The following CSMD1 variants were observed in gnomAD, a reference collection of about 807,000 sequenced individuals.
CSMD1 encodes the protein CUB and sushi domain-containing protein 1.
In CSMD1, 213 loss-of-function variants were observed where a neutral mutation model predicts 417.5. The observed-to-expected ratio is 0.51, with a 90% CI of 0.46 to 0.57. The LOEUF (loss-of-function observed/expected upper bound fraction) is 0.57. Among genes scored for constraint, CSMD1 ranks in the 20% least tolerant of loss-of-function variants. The pLI is 0.00. For missense variants in CSMD1, 6,923 were observed against 4,529.7 expected (o/e 1.53, Z -15.17); for synonymous variants, 2,862 against 1,736.8 (o/e 1.65, Z -16.11).
intron 11 of CSMD1, among the ~76,000 whole-genome samples, chr8:3,481,181 C>CAAAAA (rs1554437748): frequency 9.4e-6 from 1 of 106,670 alleles, no homozygotes. Context: ...AAAAAAAAAC[C>CAAAAA]AGAGTAGTTG....
intron 3 of CSMD1, among the ~76,000 whole-genome samples, chr8:4,112,557 C>G (rs149866000): frequency 7.9e-5 from 12 of 152,276 alleles, no homozygotes; most frequent in East Asian, 1.9e-4. Flanking sequence ...CCTGCTTTCT[C>G]TGTTCCCTCT....
chr8:4,701,386 G>A, intron 1 of CSMD1, among the ~76,000 whole-genome samples: 1 of 151,026 alleles, frequency 6.6e-6, no homozygotes, highest in East Asian at 2.0e-4. Flanking sequence ...ACCTAACAGA[G>A]CACCCAGGAT....
intron 7 of CSMD1, among the ~76,000 whole-genome samples, chr8:3,680,266 T>A (rs2117600873): frequency 6.6e-6 from 1 of 152,068 alleles, no homozygotes; most frequent in South Asian, 2.1e-4. Context: ...TTTGAAAAGA[T>A]CAACAAAATT....
chr8:3,957,044 A>G (rs1811997721), intron 5 of CSMD1, among the ~76,000 whole-genome samples: 3 of 152,188 alleles, frequency 2.0e-5, no homozygotes, highest in Admixed American at 2.0e-4. Context: ...CTCAGAAGGA[A>G]GAAATAACGT....
chr8:4,835,932 G>A (rs1354062296), intron 1 of CSMD1, among the ~76,000 whole-genome samples: 1 of 152,076 alleles, frequency 6.6e-6, no homozygotes, highest in East Asian at 1.9e-4. Context: ...TAAGTACAAA[G>A]GAGGGAAATT....
intron 5 of CSMD1, among the ~76,000 whole-genome samples, chr8:3,793,641 T>A (rs752786969): frequency 2.0e-5 from 3 of 152,052 alleles, no homozygotes; most frequent in Non-Finnish European, 2.9e-5. Context: ...CTCACCTCAA[T>A]TGCTTGGATG....
chr8:4,012,165 C>A (rs1344317136), intron 4 of CSMD1, among the ~76,000 whole-genome samples: 1 of 152,084 alleles, frequency 6.6e-6, no homozygotes, highest in Admixed American at 6.5e-5. Flanking sequence ...AAACTGGATG[C>A]AGAACCCACC....
chr8:3,054,609 C>T (rs1387734786), intron 49 of CSMD1, among the ~76,000 whole-genome samples: 1 of 141,188 alleles, frequency 7.1e-6, no homozygotes. Flanking sequence ...TAGAGCAAGG[C>T]CCTGTCTCAA....
At chr8:3,533,424 C>G (rs117850271) in intron 10 of CSMD1, among the ~76,000 whole-genome samples, 1 of 152,184 alleles carries the variant, frequency 6.6e-6, no homozygotes, top group African/African-American at 2.4e-5. Flanking sequence ...TGGTTTGACT[C>G]TGTCAGCGTC....
chr8:3,752,701 A>AC (rs1307962542), intron 6 of CSMD1, among the ~76,000 whole-genome samples: 2 of 151,224 alleles, frequency 1.3e-5, no homozygotes, highest in Non-Finnish European at 2.9e-5. Context: ...AAAAAAAAAA[A>AC]AAACATATTT....
intron 26 of CSMD1, among the ~76,000 whole-genome samples, chr8:3,277,669 A>G (rs894703260): frequency 1.3e-5 from 2 of 152,142 alleles, no homozygotes; most frequent in Non-Finnish European, 2.9e-5. Context: ...ACTGTGGTTG[A>G]GTTTCAGGTG....
intron 6 of CSMD1, among the ~76,000 whole-genome samples, chr8:3,709,845 G>C (rs956514313): frequency 2.9e-5 from 4 of 136,836 alleles, no homozygotes; most frequent in East Asian, 2.4e-4. Context: ...AAATCTGTGT[G>C]TGTACGTGTG....
Position 3,797,896 on chromosome 8 carries a change from A to G in CSMD1, c.819-43854T>C, listed in dbSNP as rs562365164. On this transcript the variant is annotated intron_variant, in intron 5 of 69. Transcript: ENST00000635120. The stretch of plus-strand genomic sequence containing the variant: ...ACAGTAAGTGAGCATGCAAGTTGTT[A>G]CGCATCCCTGTCAACATTTGATATT... 2.4e-4 allele frequency among the ~76,000 whole-genome samples: 36 copies of G among 152,150 alleles called. No individual in the cohort carries two copies. In the East Asian group the frequency reaches 6.2e-3, roughly 26 times the overall value.
chr8:4,011,634 T>A (rs1329661178), intron 4 of CSMD1, among the ~76,000 whole-genome samples: 1 of 152,188 alleles, frequency 6.6e-6, no homozygotes, highest in East Asian at 1.9e-4. Flanking sequence ...CATTTCCTCA[T>A]CCTTGAATTC....
intron 6 of CSMD1, among the ~76,000 whole-genome samples, chr8:3,720,664 T>C (rs909181039): frequency 1.9e-5 from 2 of 107,688 alleles, no homozygotes; most frequent in East Asian, 5.8e-4. Flanking sequence ...CACCAGCACA[T>C]TTCTCCTTCA....
intron 3 of CSMD1, among the ~76,000 whole-genome samples, chr8:4,082,549 C>T (rs1409208045): frequency 6.6e-6 from 1 of 152,034 alleles, no homozygotes; most frequent in Non-Finnish European, 1.5e-5. Flanking sequence ...CAAAAACAAA[C>T]AAAATTACAG....
chr8:3,318,189 A>G (rs1584990917), intron 23 of CSMD1, among the ~76,000 whole-genome samples: 1 of 152,172 alleles, frequency 6.6e-6, no homozygotes, highest in South Asian at 2.1e-4. Context: ...GTAATATTCT[A>G]TTTTTATTTA....
chr8:4,233,722 G>C (rs941971792), intron 3 of CSMD1, among the ~76,000 whole-genome samples: 2 of 152,090 alleles, frequency 1.3e-5, no homozygotes, highest in African/African-American at 2.4e-5. Flanking sequence ...AACAGACTAA[G>C]ATATTAATAA....
chr8:4,354,614 A>C (rs17063252), intron 3 of CSMD1, among the ~76,000 whole-genome samples: 1 of 152,088 alleles, frequency 6.6e-6, no homozygotes, highest in Non-Finnish European at 1.5e-5. Context: ...CCTTGAACGT[A>C]TAAGAACGTG....
Sources: gnomAD v4.1 joint callset for allele counts (sites outside exome capture counted in the v4.1 genomes callset) on GRCh38, gnomAD v4.1.1 for gene constraint, MANE v1.5 for transcripts, NCBI Gene and HGNC (gene_info 2026-07-23, HGNC 2026-07-21) for gene names.